RELL2: variants seen among roughly 807,000 people sequenced by gnomAD.
RELL2 encodes RELT-like protein 2.
A neutral mutation model predicts 27.5 loss-of-function variants in RELL2; 18 were observed. The observed-to-expected ratio is 0.65, with a 90% CI of 0.45 to 0.97. The LOEUF (loss-of-function observed/expected upper bound fraction) is 0.97, where lower values mean the gene tolerates loss of function less well. Among genes scored for constraint, RELL2 ranks in the 50% least tolerant of loss-of-function variants. The pLI is 0.00. For synonymous variants in RELL2, 156 were observed against 147.5 expected (o/e 1.06, Z -0.42); for missense variants, 370 against 397.5 (o/e 0.93, Z 0.59).
chr5:141,638,202 C>T lies in RELL2; in HGVS notation c.-24C>T, dbSNP rs772877848. 14 of 1,594,642 alleles carry T rather than the reference C, an allele frequency of 8.8e-6. No homozygotes were observed. Among genetic ancestry groups the T allele is most frequent in the Admixed American group, 1.7e-5 (1 of 57,924 alleles). On this transcript the variant is annotated 5_prime_UTR_variant, in exon 1 of 7. Transcript: ENST00000297164. ...CCCCTAAACCCAGGAGGCGCCCTGG[C>T]CCGCGCTCGCCCCCCAGGGCCTCAT...
At position 141,638,291 on chromosome 5, in the gene RELL2, G is replaced by GCTGGTCTTCTTCCTCATGGGC. The variant is rs1251473730; in HGVS notation, c.72_92dup (p.Phe25_Val31dup). The GCTGGTCTTCTTCCTCATGGGC allele has an allele frequency of 6.2e-7, 1 of 1,613,900 alleles. No homozygotes were observed. The highest frequency in any genetic ancestry group is 1.3e-5 in the African/African-American group (1 of 74,882). The stretch of plus-strand genomic sequence containing the variant: ...GGCTATATATGCTCTTCCTGCTTGT[G>GCTGGTCTTCTTCCTCATGGGC]CTGGTCTTCTTCCTCATGGGCCTGG... On this transcript the variant is annotated inframe_insertion, in exon 1 of 7. Coordinates refer to ENST00000297164, the MANE Select transcript of RELL2 (RefSeq NM_173828.5).
At chr5:141,638,546 C>A in intron 1 of RELL2, 137 bp downstream of exon 1, 1 of 862,432 alleles carries the variant, frequency 1.2e-6, no homozygotes, top group Non-Finnish European at 1.8e-6. Context: ...CTTGAGTTAG[C>A]AAGTGGGGTG....
At position 141,640,886 on chromosome 5, in the gene RELL2, C is replaced by G. The variant is rs1350001518; in HGVS notation, c.*217C>G. On this transcript the variant is annotated 3_prime_UTR_variant, in exon 7 of 7. Transcript: ENST00000297164. ...GCCTGCAACAGGCTGCCTGCCCCGC[C>G]TTCCCCAACACCTCGCTCCATATGA... The G allele has an allele frequency of 1.7e-6, 1 of 587,024 alleles. No homozygotes were observed. Among genetic ancestry groups the G allele is most frequent in the Admixed American group, 3.1e-5 (1 of 32,772 alleles). 36.4% of individuals were successfully genotyped at this position (587,024 alleles called of 1,614,324 possible).
Position 141,640,052 on chromosome 5 carries a change from C to T in RELL2, c.636C>T (p.Pro212=), listed in dbSNP as rs1192232162. 1.2e-6 allele frequency: 2 copies of T among 1,613,430 alleles called. No homozygotes were observed. The highest frequency in any genetic ancestry group is 1.7e-6 in the Non-Finnish European group (2 of 1,179,796). The change falls in exon 5 of 7, where the codon CCC becomes CCT. Residue 212 remains proline (P), a synonymous_variant. Coordinates refer to ENST00000297164, the MANE Select transcript of RELL2 (RefSeq NM_173828.5). ...GGGQGSGGGQ[P]KAGMPAMERL... The stretch of plus-strand genomic sequence containing the variant: ...GTCAGGGGTCTGGGGGAGGGCAGCC[C>T]AAGGCAGGGATGCCTGCCATGGAGA...
Position 141,638,234 on chromosome 5 carries a change from A to T in RELL2, c.9A>T (p.Glu3Asp). ...TCGCCCCCCAGGGCCTCATGTCGGA[A>T]CCACAGCCTGACCTGGAACCGCCCC... MS[E>D]PQPDLEPPQH... Residue 3 changes from glutamate to aspartate, a missense_variant, in exon 1 of 7, where the codon GAA becomes GAT. Glu to Asp is a conservative substitution (Grantham distance 45, BLOSUM62 2). Coordinates refer to ENST00000297164, the MANE Select transcript of RELL2 (RefSeq NM_173828.5). The T allele has an allele frequency of 6.2e-7, 1 of 1,612,246 alleles. No individual in the cohort carries two copies.
chr5:141,639,384 G>A lies in RELL2; in HGVS notation c.318-80G>A. 9.0e-6 allele frequency: 11 copies of A among 1,225,084 alleles called. No homozygotes were observed. The highest frequency in any genetic ancestry group is 1.3e-5 in the Non-Finnish European group (11 of 873,152). 75.9% of individuals were successfully genotyped at this position (1,225,084 alleles called of 1,614,324 possible). A position where few individuals can be genotyped will look rare whatever the true frequency, so the allele number is the denominator to read the frequency against. On this transcript the variant is annotated intron_variant, in intron 3 of 6. Coordinates refer to ENST00000297164, the MANE Select transcript of RELL2 (RefSeq NM_173828.5). This position sits in a 1 kb window ranked among gnomAD's most constrained non-coding sequence, Gnocchi z 4.4. The stretch of plus-strand genomic sequence containing the variant: ...ATTGGGGCTTCTGGGGTTTTAAGGA[G>A]CATGCTGAAAGAACGTAAGAAACAA...
At chr5:141,638,487 C>A in intron 1 of RELL2, 78 bp downstream of exon 1, 2 of 1,378,296 alleles carry the variant, frequency 1.5e-6, no homozygotes, top group Non-Finnish European at 2.0e-6. Context: ...GACCAACAGA[C>A]CCAGGCCAAA....
chr5:141,638,175 G>T lies in RELL2; in HGVS notation c.-51G>T. The stretch of plus-strand genomic sequence containing the variant: ...TACCCCTCCCCCATTCCCAGCTGCA[G>T]CCCCCTAAACCCAGGAGGCGCCCTG... On this transcript the variant is annotated 5_prime_UTR_variant, in exon 1 of 7. Coordinates refer to ENST00000297164, the MANE Select transcript of RELL2 (RefSeq NM_173828.5). 3 of 1,328,446 alleles carry T rather than the reference G, an allele frequency of 2.3e-6. No homozygotes were observed. The highest frequency in any genetic ancestry group is 2.1e-6 in the Non-Finnish European group (2 of 947,730). 82.3% of individuals were successfully genotyped at this position (1,328,446 alleles called of 1,614,324 possible).
Position 141,640,395 on chromosome 5 carries a change from C to A in RELL2, c.880-17C>A. ...TACTCCTGGTCTCTCATTGTTGACC[C>A]CTCCCCTTTCTCTCAGGTGTCTCTA... is the stretch of plus-strand genomic sequence containing the variant. On this transcript the variant is annotated splice_polypyrimidine_tract_variant and intron_variant, in intron 5 of 6. Transcript: ENST00000297164. 6.2e-7 allele frequency: 1 copy of A among 1,614,186 alleles called. No individual in the cohort carries two copies. The highest frequency in any genetic ancestry group is 8.5e-7 in the Non-Finnish European group (1 of 1,180,012).
chr5:141,640,371 A>C, intron 5 of RELL2, 41 bp from the exon 6 acceptor site: 4 of 1,613,764 alleles, frequency 2.5e-6, no homozygotes, highest in Non-Finnish European at 3.4e-6. Flanking sequence ...GATAGGACCT[A>C]CTCCTGGTCT....
chr5:141,640,828 G>T lies in RELL2; in HGVS notation c.*159G>T, dbSNP rs2099906782. ...GTCTCAGGCTGGGGGCCTCAGGAGAGGTCACAGCCCCTCAGTCTCTTCTCC... is the reference window on the plus strand; with the variant it reads ...GTCTCAGGCTGGGGGCCTCAGGAGATGTCACAGCCCCTCAGTCTCTTCTCC... On this transcript the variant is annotated 3_prime_UTR_variant, in exon 7 of 7. Coordinates refer to ENST00000297164, the MANE Select transcript of RELL2 (RefSeq NM_173828.5). 2.9e-6 allele frequency: 2 copies of T among 680,842 alleles called. No homozygotes were observed. 42.2% of individuals were successfully genotyped at this position (680,842 alleles called of 1,614,324 possible). A position where few individuals can be genotyped will look rare whatever the true frequency, so the allele number is the denominator to read the frequency against.
Position 141,639,196 on chromosome 5 carries a change from C to T in RELL2, c.317+175C>T, listed in dbSNP as rs2099906550. 4 of 630,260 alleles carry T rather than the reference C, an allele frequency of 6.3e-6. No homozygotes were observed. In the East Asian group the frequency reaches 8.2e-5, roughly 13 times the overall value. The allele number at this position is 630,260 out of a possible 1,614,324, so 39.0% of individuals were successfully genotyped here. On this transcript the variant is annotated intron_variant, in intron 3 of 6. Coordinates refer to ENST00000297164, the MANE Select transcript of RELL2 (RefSeq NM_173828.5). This position sits in a 1 kb window ranked among gnomAD's most constrained non-coding sequence, Gnocchi z 4.4. Reference sequence around the variant, plus strand: ...ATCGCGATTCCTTCAAACCATCTCTCTCATCTAGATATCATCAAGCCTAAC... The same window carrying T: ...ATCGCGATTCCTTCAAACCATCTCTTTCATCTAGATATCATCAAGCCTAAC...
rs774973573 is a variant in RELL2, at chr5:141,639,980, C to T, written c.564C>T (p.Pro188=). Residue 188 remains proline, a synonymous_variant, in exon 5 of 7, where the codon CCC becomes CCT. Coordinates refer to ENST00000297164, the MANE Select transcript of RELL2 (RefSeq NM_173828.5). The surrounding 1 kb of genome is among the most constrained non-coding windows in gnomAD (Gnocchi z 4.4). Reference sequence around the variant, plus strand: ...TGCACGAACACCGTGATGGCTCCCCCACAGACAGGAGCTGGGGCTCTGGTG... The same window carrying T: ...TGCACGAACACCGTGATGGCTCCCCTACAGACAGGAGCTGGGGCTCTGGTG... ...YGLHEHRDGS[P]TDRSWGSGGG... The T allele has an allele frequency of 3.7e-6, 6 of 1,613,900 alleles. No individual in the cohort carries two copies. Among genetic ancestry groups the T allele is most frequent in the Admixed American group, 3.3e-5 (2 of 60,022 alleles).
Position 141,639,930 on chromosome 5 carries a change from A to C in RELL2, c.514A>C (p.Thr172Pro), listed in dbSNP as rs1198737641. 1.2e-6 allele frequency: 2 copies of C among 1,613,992 alleles called. No individual in the cohort carries two copies. Among genetic ancestry groups the C allele is most frequent in the Non-Finnish European group, 1.7e-6 (2 of 1,180,004 alleles). ...TCCCTCCCCTCCCAGGTTCCGGGTG[A>C]CACACATTGAGAAGCGCTATGGACT... The part of the protein sequence containing the change: ...TVFSVGRFRV[T>P]HIEKRYGLHE... The change falls in exon 5 of 7, where the codon ACA becomes CCA. Residue 172 changes from threonine to proline, a missense_variant. Coordinates refer to ENST00000297164, the MANE Select transcript of RELL2 (RefSeq NM_173828.5). This position sits in a 1 kb window ranked among gnomAD's most constrained non-coding sequence, Gnocchi z 4.4.
Position 141,640,821 on chromosome 5 carries a change from CAGGAG to C in RELL2, c.*156_*160del. The C allele has an allele frequency of 1.4e-6, 1 of 718,982 alleles. No homozygotes were observed. Among genetic ancestry groups the C allele is most frequent in the Non-Finnish European group, 2.2e-6 (1 of 445,288 alleles). The allele number at this position is 718,982 out of a possible 1,614,324, so 44.5% of individuals were successfully genotyped here. On this transcript the variant is annotated 3_prime_UTR_variant, in exon 7 of 7. Coordinates refer to ENST00000297164, the MANE Select transcript of RELL2 (RefSeq NM_173828.5). ...TTGCACAGTCTCAGGCTGGGGGCCT[CAGGAG>C]AGGTCACAGCCCCTCAGTCTCTTCT... is the stretch of plus-strand genomic sequence containing the variant.
At position 141,640,445 on chromosome 5, in the gene RELL2, G is replaced by T; in HGVS notation, c.*1G>T. Reference sequence around the variant, plus strand: ...ACCACAGGGAGCAGGGAGTATGTGAGGTGAGTCTGCCTGAGCCCTAAATGA... The same window carrying T: ...ACCACAGGGAGCAGGGAGTATGTGATGTGAGTCTGCCTGAGCCCTAAATGA... On this transcript the variant is annotated splice_region_variant and 3_prime_UTR_variant, in exon 6 of 7. Coordinates refer to ENST00000297164, the MANE Select transcript of RELL2 (RefSeq NM_173828.5). 1 of 1,614,168 alleles carries T rather than the reference G, an allele frequency of 6.2e-7. No homozygotes were observed. Among genetic ancestry groups the T allele is most frequent in the African/African-American group, 1.3e-5 (1 of 75,046 alleles).
intron 6 of RELL2, 65 bp from the exon 7 acceptor site, chr5:141,640,606 C>G: frequency 4.5e-6 from 7 of 1,541,896 alleles, no homozygotes; most frequent in Non-Finnish European, 6.1e-6. Context: ...GTCCTGGAGC[C>G]CCAGGGGAAA....
Position 141,638,395 on chromosome 5 carries a change from C to T in RELL2, c.170C>T (p.Ala57Val), listed in dbSNP as rs2099906409. 1 of 1,610,590 alleles carries T rather than the reference C, an allele frequency of 6.2e-7. No individual in the cohort carries two copies. The highest frequency in any genetic ancestry group is 8.5e-7 in the Non-Finnish European group (1 of 1,179,164). ...RTSRGSEPDD[A>V]QLQPPEDDDM... The stretch of plus-strand genomic sequence containing the variant: ...TCGAGGGGCTCTGAGCCTGACGATG[C>T]CCAGCTTCAGCCCCGTGAGTGAGGA... Residue 57 changes from alanine (A) to valine (V), a missense_variant, in exon 1 of 7, where the codon GCC becomes GTC. By Grantham distance (64) the Ala-to-Val change is moderately conservative. Coordinates refer to ENST00000297164, the MANE Select transcript of RELL2 (RefSeq NM_173828.5).
chr5:141,637,283 G>T lies in RELL2; in HGVS notation c.-943G>T, dbSNP rs940930535. The T allele has an allele frequency of 2.4e-4, 37 of 154,532 alleles. No individual in the cohort carries two copies. The highest frequency in any genetic ancestry group is 7.6e-4 in the East Asian group (4 of 5,246). The allele number at this position is 154,532 out of a possible 1,614,324, so 9.6% of individuals were successfully genotyped here. On this transcript the variant is annotated 5_prime_UTR_variant, in exon 1 of 7. An upstream open reading frame in the 5' UTR loses its in-frame stop. Coordinates refer to ENST00000297164, the MANE Select transcript of RELL2 (RefSeq NM_173828.5). ...GGAGCTGCGCCAGGCGTACCGGATA[G>T]ACCAGTGGACAACACCCACGCCGGA...
Sources: gnomAD v4.1 joint callset for allele counts on GRCh38, gnomAD v4.1.1 for gene constraint, Gnocchi (gnomAD v3.1) non-coding constraint, MANE v1.5 for transcripts, NCBI Gene and HGNC (gene_info 2026-07-23, HGNC 2026-07-21) for gene names.